Variants in WWTR1 observed in about 807,000 individuals in gnomAD.
WWTR1 encodes the protein WW domain containing transcription regulator 1.
WWTR1 carries 13 observed loss-of-function variants against 40.1 expected under a neutral mutation model. The ratio of observed to expected loss-of-function variants is 0.32; its 90% CI spans 0.21 to 0.52. WWTR1 has a LOEUF of 0.52. WWTR1 is among the 20% of genes least tolerant of loss of function. WWTR1 has a pLI of 0.97. For synonymous variants in WWTR1, 230 were observed against 210.1 expected (o/e 1.09, Z -0.82); for missense variants, 436 against 523.1 (o/e 0.83, Z 1.63).
intron 1 of WWTR1, among the ~76,000 whole-genome samples, chr3:149,673,574 G>A (rs1426346516): frequency 6.6e-6 from 1 of 152,224 alleles, no homozygotes; most frequent in Non-Finnish European, 1.5e-5. Context: ...CCCTGAATCA[G>A]CATCAGTATC....
intron 2 of WWTR1, among the ~76,000 whole-genome samples, chr3:149,646,397 T>C (rs563112826): frequency 4.6e-5 from 7 of 152,358 alleles, no homozygotes; most frequent in South Asian, 2.1e-4. Flanking sequence ...TTCCACAAGA[T>C]AATTGCATTG....
At chr3:149,679,791 T>G (rs1714394900) in intron 1 of WWTR1, among the ~76,000 whole-genome samples, 1 of 152,220 alleles carries the variant, frequency 6.6e-6, no homozygotes, top group Admixed American at 6.5e-5. Context: ...TATACTTTTA[T>G]GAGGAAATGG....
In WWTR1 at chr3:149,621,408, T is replaced by C. The variant is rs529130921; in HGVS notation, c.431+35468A>G. 2.0e-4 allele frequency among the ~76,000 whole-genome samples: 30 copies of C among 152,262 alleles called. No individual in the cohort carries two copies. In the East Asian group the frequency reaches 4.1e-3, roughly 21 times the overall value. ...ACAGTGCCCAAACAGAAGTGACTAA[T>C]GCTAGCAGCAAGTGCTGTAATAAAT... On this transcript the variant is annotated intron_variant, in intron 2 of 6. Coordinates refer to ENST00000360632, the MANE Select transcript of WWTR1 (RefSeq NM_015472.6).
intron 2 of WWTR1, among the ~76,000 whole-genome samples, chr3:149,643,491 A>T (rs1712309841): frequency 6.6e-6 from 1 of 152,234 alleles, no homozygotes; most frequent in Non-Finnish European, 1.5e-5. Flanking sequence ...CTTATAACTT[A>T]GCTCAGTTAG....
chr3:149,710,125 T>C (rs568328590), intron 5 of WWTR1, among the ~76,000 whole-genome samples: 2 of 152,340 alleles, frequency 1.3e-5, no homozygotes, highest in South Asian at 2.1e-4. Flanking sequence ...CCAACTGTAC[T>C]GGACCTCTCA....
intron 6 of WWTR1, chr3:149,525,776 A>C: frequency 3.4e-6 from 1 of 292,992 alleles, no homozygotes; most frequent in Non-Finnish European, 6.2e-6. Flanking sequence ...GTGGGGAGGA[A>C]CAAGGGGTGA....
chr3:149,565,664 C>G lies in WWTR1; in HGVS notation c.568+7200G>C, dbSNP rs893730463. On this transcript the variant is annotated intron_variant, in intron 3 of 6. Coordinates refer to ENST00000360632, the MANE Select transcript of WWTR1 (RefSeq NM_015472.6). ...CGGGTGCTCGTGCCTGTAATCCCAG[C>G]ACTTTGGGAGGCTGAGGTGGGCGGA... 3.3e-5 allele frequency among the ~76,000 whole-genome samples: 5 copies of G among 152,110 alleles called. No individual in the cohort carries two copies. In the South Asian group the frequency reaches 1.0e-3, roughly 32 times the overall value.
chr3:149,662,650 T>C (rs1713635493), upstream of WWTR1, among the ~76,000 whole-genome samples: 1 of 152,332 alleles, frequency 6.6e-6, no homozygotes, highest in African/African-American at 2.4e-5. Flanking sequence ...CAGTCTCTGT[T>C]TTCTGGTCTC....
chr3:149,575,095 C>A (rs1193190358), intron 2 of WWTR1, among the ~76,000 whole-genome samples: 2 of 149,502 alleles, frequency 1.3e-5, no homozygotes, highest in Admixed American at 6.6e-5. Context: ...CTCCATCCCC[C>A]CCAAAAAAAA....
At chr3:149,584,961 A>C (rs748656056) in intron 2 of WWTR1, among the ~76,000 whole-genome samples, 4 of 152,212 alleles carry the variant, frequency 2.6e-5, no homozygotes, top group Non-Finnish European at 4.4e-5. Flanking sequence ...TTCCCTTGTG[A>C]AAATCTATCC....
At chr3:149,635,590 G>A (rs1236383410) in intron 2 of WWTR1, among the ~76,000 whole-genome samples, 1 of 151,980 alleles carries the variant, frequency 6.6e-6, no homozygotes, top group Non-Finnish European at 1.5e-5. Context: ...AAGAGTAGGA[G>A]GAGAAGAGGA....
intron 2 of WWTR1, among the ~76,000 whole-genome samples, chr3:149,628,463 C>G (rs1336822828): frequency 6.6e-6 from 1 of 151,732 alleles, no homozygotes; most frequent in African/African-American, 2.4e-5. Context: ...ACAAATACTG[C>G]TCTAGGAAAC....
chr3:149,555,476 C>CA (rs1736785535), intron 3 of WWTR1, among the ~76,000 whole-genome samples: 1 of 149,814 alleles, frequency 6.7e-6, no homozygotes, highest in African/African-American at 2.5e-5. Flanking sequence ...TGGGCCAGGA[C>CA]CACTCAGGAA....
At chr3:149,575,967 A>G (rs2108003583) in intron 2 of WWTR1, 2 of 456,702 alleles carry the variant, frequency 4.4e-6, no homozygotes, top group East Asian at 6.9e-5. Context: ...TTCAAACTCC[A>G]CACCCAGCCA....
At chr3:149,657,392 G>A in intron 1 of WWTR1, 83 bp from the exon 2 acceptor site, 2 of 1,419,270 alleles carry the variant, frequency 1.4e-6, no homozygotes, top group South Asian at 1.4e-5. Context: ...GGGCGAGATG[G>A]TGGGAGAAAG....
chr3:149,547,321 T>C (rs1402130668), intron 3 of WWTR1, among the ~76,000 whole-genome samples: 1 of 150,894 alleles, frequency 6.6e-6, no homozygotes, highest in African/African-American at 2.4e-5. Flanking sequence ...GGTCAGGAGT[T>C]CGAGACCAGC....
chr3:149,551,021 C>T (rs75347279), intron 3 of WWTR1, among the ~76,000 whole-genome samples: 16,638 of 143,738 alleles, frequency 0.12, 3,242 homozygotes, highest in African/African-American at 0.24. Flanking sequence ...CAGGTAAAGC[C>T]GGCACGGTGG....
chr3:149,580,516 A>G (rs1738094329), intron 2 of WWTR1, among the ~76,000 whole-genome samples: 1 of 152,248 alleles, frequency 6.6e-6, no homozygotes, highest in Non-Finnish European at 1.5e-5. Context: ...AGCCCATGAC[A>G]GTAGAAGCCC....
intron 4 of WWTR1, 104 bp from the exon 5 acceptor site, chr3:149,528,073 A>G (rs1735412961): frequency 1.4e-6 from 2 of 1,405,812 alleles, no homozygotes; most frequent in Non-Finnish European, 9.5e-7. Flanking sequence ...AGCACTGTGT[A>G]TTTACTCCCA....
Sources: gnomAD v4.1 joint callset for allele counts (sites outside exome capture counted in the v4.1 genomes callset) on GRCh38, gnomAD v4.1.1 for gene constraint, MANE v1.5 for transcripts, NCBI Gene and HGNC (gene_info 2026-07-23, HGNC 2026-07-21) for gene names.